The following C3orf80 variants were observed in gnomAD, a reference collection of about 807,000 sequenced individuals.
C3orf80 encodes the protein chromosome 3 open reading frame 80, also known as uncharacterized membrane protein C3orf80.
In C3orf80, 10 loss-of-function variants were observed where a neutral mutation model predicts 15.8. That is an observed-to-expected ratio of 0.63 (90% confidence interval 0.39 to 1.07). C3orf80 has a LOEUF of 1.07. Ranked by LOEUF, C3orf80 falls within the 50% of genes least tolerant of loss-of-function variation. The pLI, the probability that C3orf80 is intolerant of heterozygous loss-of-function variation, is 0.01. For synonymous variants in C3orf80, 183 were observed against 192.0 expected (o/e 0.95, Z 0.39); for missense variants, 364 against 379.3 (o/e 0.96, Z 0.34).
In C3orf80 at chr3:160,227,720, G is replaced by A. The variant is rs1473028215; in HGVS notation, c.*1341G>A. The stretch of plus-strand genomic sequence containing the variant: ...GTATCAGTTTCCTGTTCTGTGACAC[G>A]CCCTTTAAAAGTAAAAGATAATATA... On this transcript the variant is annotated 3_prime_UTR_variant, in exon 1 of 1. Transcript: ENST00000326474. 2.6e-5 allele frequency: 4 copies of A among 152,092 alleles called. No individual in the cohort carries two copies. The highest frequency in any genetic ancestry group is 1.9e-4 in the East Asian group (1 of 5,198). 9.4% of individuals were successfully genotyped at this position (152,092 alleles called of 1,614,324 possible).
At position 160,225,600 on chromosome 3, in the gene C3orf80, T is replaced by C; in HGVS notation, c.-36T>C. ...GCGAGGGCGGACGGACTCCCCAGCC[T>C]CCCGTCCCGGACGTTAGCCGAGGTC... On this transcript the variant is annotated 5_prime_UTR_variant, in exon 1 of 1. Coordinates refer to ENST00000326474, the MANE Select transcript of C3orf80 (RefSeq NM_001168214.2). The surrounding 1 kb of genome is among the most constrained non-coding windows in gnomAD (Gnocchi z 5.6). The C allele has an allele frequency of 7.8e-7, 1 of 1,288,630 alleles. No homozygotes were observed. The highest frequency in any genetic ancestry group is 3.2e-5 in the East Asian group (1 of 31,344). The allele number at this position is 1,288,630 out of a possible 1,614,324, so 79.8% of individuals were successfully genotyped here.
In C3orf80 at chr3:160,225,620, G is replaced by A. The variant is rs1725650285; in HGVS notation, c.-16G>A. On this transcript the variant is annotated 5_prime_UTR_variant, in exon 1 of 1. Transcript: ENST00000326474. The surrounding 1 kb of genome is among the most constrained non-coding windows in gnomAD (Gnocchi z 5.6). ...CAGCCTCCCGTCCCGGACGTTAGCC[G>A]AGGTCTGCGCGGGCCATGTGGGGAC... is the stretch of plus-strand genomic sequence containing the variant. 7.5e-7 allele frequency: 1 copy of A among 1,324,764 alleles called. No homozygotes were observed. Among genetic ancestry groups the A allele is most frequent in the Non-Finnish European group, 9.6e-7 (1 of 1,044,196 alleles). The allele number at this position is 1,324,764 out of a possible 1,614,324, so 82.1% of individuals were successfully genotyped here. A position where few individuals can be genotyped will look rare whatever the true frequency, so the allele number is the denominator to read the frequency against.
In C3orf80 at chr3:160,225,532, G is replaced by A. The variant is rs991640222; in HGVS notation, c.-104G>A. 1 of 1,109,794 alleles carries A rather than the reference G, an allele frequency of 9.0e-7. No individual in the cohort carries two copies. Among genetic ancestry groups the A allele is most frequent in the Non-Finnish European group, 1.1e-6 (1 of 876,006 alleles). 68.7% of individuals were successfully genotyped at this position (1,109,794 alleles called of 1,614,324 possible). On this transcript the variant is annotated 5_prime_UTR_variant, in exon 1 of 1. Coordinates refer to ENST00000326474, the MANE Select transcript of C3orf80 (RefSeq NM_001168214.2). This position sits in a 1 kb window ranked among gnomAD's most constrained non-coding sequence, Gnocchi z 5.6. ...AGGTAGCTGAGGCGCGGGAGGCGGC[G>A]CGCGCGGGACCCGAGCGGAGCGCCG... is the stretch of plus-strand genomic sequence containing the variant.
rs1711500424 is a variant in C3orf80, at chr3:160,226,538, C to G, written c.*159C>G. On this transcript the variant is annotated 3_prime_UTR_variant, in exon 1 of 1. Transcript: ENST00000326474. The surrounding 1 kb of genome is among the most constrained non-coding windows in gnomAD (Gnocchi z 5.2). ...GGGTCACTCGTCTCCCTCGCGTTCT[C>G]CCGGGATCTTATGTTTCTCTGCGTT... is the stretch of plus-strand genomic sequence containing the variant. The G allele has an allele frequency of 1.4e-6, 1 of 717,984 alleles. No homozygotes were observed. Among genetic ancestry groups the G allele is most frequent in the Non-Finnish European group, 2.0e-6 (1 of 489,852 alleles). The allele number at this position is 717,984 out of a possible 1,614,324, so 44.5% of individuals were successfully genotyped here.
Position 160,225,964 on chromosome 3 carries a change from C to T in C3orf80, c.329C>T (p.Pro110Leu). ...RIICPSPRRY[P>L]RGQARPGQRP... is the part of the protein sequence containing the mutation. ...ATCTGCCCCAGTCCACGCAGGTACC[C>T]GCGCGGCCAGGCGCGCCCGGGACAG... The change falls in exon 1 of 1, where the codon CCG becomes CTG. Residue 110 changes from proline to leucine, a missense_variant. Physicochemically the swap from Pro to Leu is moderately conservative, Grantham distance 98. Transcript: ENST00000326474. This position sits in a 1 kb window ranked among gnomAD's most constrained non-coding sequence, Gnocchi z 5.6. The T allele has an allele frequency of 7.2e-7, 1 of 1,389,294 alleles. No individual in the cohort carries two copies. The highest frequency in any genetic ancestry group is 9.4e-7 in the Non-Finnish European group (1 of 1,069,110). 86.1% of individuals were successfully genotyped at this position (1,389,294 alleles called of 1,614,324 possible). A position where few individuals can be genotyped will look rare whatever the true frequency, so the allele number is the denominator to read the frequency against.
In C3orf80 at chr3:160,226,324, G is replaced by C; in HGVS notation, c.689G>C (p.Arg230Pro). 1 of 1,505,278 alleles carries C rather than the reference G, an allele frequency of 6.6e-7. No homozygotes were observed. The highest frequency in any genetic ancestry group is 8.8e-7 in the Non-Finnish European group (1 of 1,132,540). 93.2% of individuals were successfully genotyped at this position (1,505,278 alleles called of 1,614,324 possible). ...VLPVSVLGRP[R>P]GGVAAEPDGG... is the part of the protein sequence containing the mutation. ...CCAGTGTCGGTGCTTGGCCGCCCTC[G>C]AGGCGGGGTCGCCGCGGAGCCCGAC... Residue 230 changes from arginine to proline, a missense_variant, in exon 1 of 1, where the codon CGA (arginine) becomes CCA (proline). Transcript: ENST00000326474. This position sits in a 1 kb window ranked among gnomAD's most constrained non-coding sequence, Gnocchi z 5.2.
At position 160,226,415 on chromosome 3, in the gene C3orf80, G is replaced by T. The variant is rs368539255; in HGVS notation, c.*36G>T. On this transcript the variant is annotated 3_prime_UTR_variant, in exon 1 of 1. Transcript: ENST00000326474. The surrounding 1 kb of genome is among the most constrained non-coding windows in gnomAD (Gnocchi z 5.2). ...ATCGGCGGCTGGTGCAGGGCTGGGG[G>T]CTGCGGGTGGCAAGCAACGGCCGGG... is the stretch of plus-strand genomic sequence containing the variant. 3.1e-4 allele frequency: 432 copies of T among 1,385,180 alleles called. 6 individuals are homozygous for T. The South Asian group carries it at 4.9e-3, about 16-fold the overall frequency. 85.8% of individuals were successfully genotyped at this position (1,385,180 alleles called of 1,614,324 possible).
Position 160,225,811 on chromosome 3 carries a change from CGGCGGTGCGCTGCTGCAAGCT to C in C3orf80, c.178_198del (p.Ala60_Leu66del). Reference sequence around the variant, plus strand: ...CGCTGCTGCGACGCGACCAACGCCACGGCGGTGCGCTGCTGCAAGCTGCCGCTGCACGCCTTCCTGGACAAC... The same window carrying C: ...CGCTGCTGCGACGCGACCAACGCCACGCCGCTGCACGCCTTCCTGGACAAC... On this transcript the variant is annotated inframe_deletion, in exon 1 of 1. Transcript: ENST00000326474. This position sits in a 1 kb window ranked among gnomAD's most constrained non-coding sequence, Gnocchi z 5.6. 2 of 1,476,698 alleles carry C rather than the reference CGGCGGTGCGCTGCTGCAAGCT, an allele frequency of 1.4e-6. No homozygotes were observed. Among genetic ancestry groups the C allele is most frequent in the Non-Finnish European group, 1.8e-6 (2 of 1,118,748 alleles). 91.5% of individuals were successfully genotyped at this position (1,476,698 alleles called of 1,614,324 possible). A position where few individuals can be genotyped will look rare whatever the true frequency, so the allele number is the denominator to read the frequency against.
chr3:160,227,784 A>G lies in C3orf80; in HGVS notation c.*1405A>G, dbSNP rs1371812016. 6.6e-6 allele frequency: 1 copy of G among 152,194 alleles called. No individual in the cohort carries two copies. Among genetic ancestry groups the G allele is most frequent in the Non-Finnish European group, 1.5e-5 (1 of 68,016 alleles). The allele number at this position is 152,194 out of a possible 1,614,324, so 9.4% of individuals were successfully genotyped here. A position where few individuals can be genotyped will look rare whatever the true frequency, so the allele number is the denominator to read the frequency against. ...CATTGTGTGTAATGTACATATGCAT[A>G]TTGTCTATGTACTATATACACATTG... On this transcript the variant is annotated 3_prime_UTR_variant, in exon 1 of 1. Coordinates refer to ENST00000326474, the MANE Select transcript of C3orf80 (RefSeq NM_001168214.2).
rs1232972607 is a variant in C3orf80, at chr3:160,226,023, G to C, written c.388G>C (p.Gly130Arg). ...GCCTCCGGGGGGCGCCGGACCGCTGGGGGGCGCGGGGCCGCCCGACGACGA... is the reference window on the plus strand; with the variant it reads ...GCCTCCGGGGGGCGCCGGACCGCTGCGGGGCGCGGGGCCGCCCGACGACGA... ...PGPPGGAGPL[G>R]GAGPPDDDDD... Residue 130 changes from glycine (G) to arginine (R), a missense_variant, in exon 1 of 1, where the codon GGG (glycine) becomes CGG (arginine). Gly to Arg is a moderately radical substitution (Grantham distance 125). Transcript: ENST00000326474. This position sits in a 1 kb window ranked among gnomAD's most constrained non-coding sequence, Gnocchi z 5.2. 30 of 1,349,016 alleles carry C rather than the reference G, an allele frequency of 2.2e-5. No homozygotes were observed. In the Admixed American group the frequency reaches 7.7e-4, roughly 34 times the overall value. 83.6% of individuals were successfully genotyped at this position (1,349,016 alleles called of 1,614,324 possible). A position where few individuals can be genotyped will look rare whatever the true frequency, so the allele number is the denominator to read the frequency against.
At position 160,226,287 on chromosome 3, in the gene C3orf80, G is replaced by A; in HGVS notation, c.652G>A (p.Glu218Lys). Residue 218 changes from glutamate to lysine, a missense_variant, in exon 1 of 1, where the codon GAG (glutamate) becomes AAG (lysine). Coordinates refer to ENST00000326474, the MANE Select transcript of C3orf80 (RefSeq NM_001168214.2). The surrounding 1 kb of genome is among the most constrained non-coding windows in gnomAD (Gnocchi z 5.2). Reference protein sequence around the residue: ...SMRLQQLSPGEVVLPVSVLGR... With the variant: ...SMRLQQLSPGKVVLPVSVLGR... ...GCGGCTGCAGCAGCTCAGCCCCGGG[G>A]AGGTCGTGCTGCCAGTGTCGGTGCT... 2 of 1,519,732 alleles carry A rather than the reference G, an allele frequency of 1.3e-6. No homozygotes were observed. Among genetic ancestry groups the A allele is most frequent in the Non-Finnish European group, 8.8e-7 (1 of 1,139,210 alleles). The allele number at this position is 1,519,732 out of a possible 1,614,324, so 94.1% of individuals were successfully genotyped here. A position where few individuals can be genotyped will look rare whatever the true frequency, so the allele number is the denominator to read the frequency against.
rs918445692 is a variant in C3orf80, at chr3:160,227,349, A to C, written c.*970A>C. On this transcript the variant is annotated 3_prime_UTR_variant, in exon 1 of 1. Coordinates refer to ENST00000326474, the MANE Select transcript of C3orf80 (RefSeq NM_001168214.2). ...CAAACGAGGAAGCATATGTGACATA[A>C]AAAACATGAAGGATATCTTATTTTC... 1 of 152,226 alleles carries C rather than the reference A, an allele frequency of 6.6e-6. No homozygotes were observed. Among genetic ancestry groups the C allele is most frequent in the Non-Finnish European group, 1.5e-5 (1 of 68,034 alleles). 9.4% of individuals were successfully genotyped at this position (152,226 alleles called of 1,614,324 possible).
Position 160,225,470 on chromosome 3 carries a change from C to G in C3orf80, c.-166C>G, listed in dbSNP as rs1002137719. On this transcript the variant is annotated 5_prime_UTR_variant, in exon 1 of 1. Coordinates refer to ENST00000326474, the MANE Select transcript of C3orf80 (RefSeq NM_001168214.2). This position sits in a 1 kb window ranked among gnomAD's most constrained non-coding sequence, Gnocchi z 5.6. ...TCCGCGCGCCGCGGGCTCCTCCTCCCGCCCAAGCGTGGCCAAGTGAGGACT... is the reference window on the plus strand; with the variant it reads ...TCCGCGCGCCGCGGGCTCCTCCTCCGGCCCAAGCGTGGCCAAGTGAGGACT... 22 of 607,354 alleles carry G rather than the reference C, an allele frequency of 3.6e-5. No individual in the cohort carries two copies. Among genetic ancestry groups the G allele is most frequent in the Non-Finnish European group, 5.0e-5 (21 of 423,118 alleles). 37.6% of individuals were successfully genotyped at this position (607,354 alleles called of 1,614,324 possible).
rs1711504523 is a variant in C3orf80, at chr3:160,227,314, C to T, written c.*935C>T. 1 of 151,916 alleles carries T rather than the reference C, an allele frequency of 6.6e-6. No individual in the cohort carries two copies. Among genetic ancestry groups the T allele is most frequent in the Non-Finnish European group, 1.5e-5 (1 of 67,990 alleles). 9.4% of individuals were successfully genotyped at this position (151,916 alleles called of 1,614,324 possible). Reference sequence around the variant, plus strand: ...AAATTATTTCATTAAAAAAGAAAAACAGGTATGGTCAAACGAGGAAGCATA... The same window carrying T: ...AAATTATTTCATTAAAAAAGAAAAATAGGTATGGTCAAACGAGGAAGCATA... On this transcript the variant is annotated 3_prime_UTR_variant, in exon 1 of 1. Transcript: ENST00000326474.
Position 160,225,845 on chromosome 3 carries a change from C to T in C3orf80, c.210C>T (p.Ala70=). 3 of 1,485,130 alleles carry T rather than the reference C, an allele frequency of 2.0e-6. No homozygotes were observed. Among genetic ancestry groups the T allele is most frequent in the Non-Finnish European group, 8.9e-7 (1 of 1,122,538 alleles). 92.0% of individuals were successfully genotyped at this position (1,485,130 alleles called of 1,614,324 possible). ...AVRCCKLPLH[A]FLDNVGWFVR... is the part of the protein sequence containing the mutation. Reference sequence around the variant, plus strand: ...GCTGCTGCAAGCTGCCGCTGCACGCCTTCCTGGACAACGTGGGCTGGTTCG... The same window carrying T: ...GCTGCTGCAAGCTGCCGCTGCACGCTTTCCTGGACAACGTGGGCTGGTTCG... The change falls in exon 1 of 1, where the codon GCC becomes GCT. Residue 70 remains alanine (A), a synonymous_variant. Transcript: ENST00000326474. This position sits in a 1 kb window ranked among gnomAD's most constrained non-coding sequence, Gnocchi z 5.6.
rs1711499455 is a variant in C3orf80 at position 160,226,332 on chromosome 3, G to T, written c.697G>T (p.Val233Phe). The T allele has an allele frequency of 1.3e-6, 2 of 1,502,330 alleles. No homozygotes were observed. The allele number at this position is 1,502,330 out of a possible 1,614,324, so 93.1% of individuals were successfully genotyped here. Residue 233 changes from valine to phenylalanine, a missense_variant, in exon 1 of 1, where the codon GTC (valine) becomes TTC (phenylalanine). Transcript: ENST00000326474. The surrounding 1 kb of genome is among the most constrained non-coding windows in gnomAD (Gnocchi z 5.2). ...VSVLGRPRGG[V>F]AAEPDGGEGR... ...GGTGCTTGGCCGCCCTCGAGGCGGG[G>T]TCGCCGCGGAGCCCGACGGCGGCGA... is the stretch of plus-strand genomic sequence containing the variant.
rs1341545836 is a variant in C3orf80, at chr3:160,227,782, A to G, written c.*1403A>G. 6.6e-6 allele frequency: 1 copy of G among 152,218 alleles called. No individual in the cohort carries two copies. The highest frequency in any genetic ancestry group is 1.5e-5 in the Non-Finnish European group (1 of 68,032). 9.4% of individuals were successfully genotyped at this position (152,218 alleles called of 1,614,324 possible). ...TACATTGTGTGTAATGTACATATGC[A>G]TATTGTCTATGTACTATATACACAT... On this transcript the variant is annotated 3_prime_UTR_variant, in exon 1 of 1. Coordinates refer to ENST00000326474, the MANE Select transcript of C3orf80 (RefSeq NM_001168214.2).
rs1439596891 is a variant in C3orf80 at position 160,225,742 on chromosome 3, G to A, written c.107G>A (p.Arg36Gln). Residue 36 changes from arginine (R) to glutamine (Q), a missense_variant, in exon 1 of 1, where the codon CGG (arginine) becomes CAG (glutamine). By Grantham distance (43) the Arg-to-Gln change is conservative. Transcript: ENST00000326474. The surrounding 1 kb of genome is among the most constrained non-coding windows in gnomAD (Gnocchi z 5.6). ...GCGCTGGCGCTGGTGGCGCCCTCGC[G>A]GGGCGGCGGGGGCTGCGCTGAGCTG... ...LLALALVAPS[R>Q]GGGGCAELAC... 5 of 1,362,136 alleles carry A rather than the reference G, an allele frequency of 3.7e-6. No individual in the cohort carries two copies. The highest frequency in any genetic ancestry group is 4.7e-6 in the Non-Finnish European group (5 of 1,067,730). 84.4% of individuals were successfully genotyped at this position (1,362,136 alleles called of 1,614,324 possible). A position where few individuals can be genotyped will look rare whatever the true frequency, so the allele number is the denominator to read the frequency against.
chr3:160,225,820 G>C lies in C3orf80; in HGVS notation c.185G>C (p.Arg62Pro), dbSNP rs1422677446. 6.8e-7 allele frequency: 1 copy of C among 1,480,038 alleles called. No individual in the cohort carries two copies. The highest frequency in any genetic ancestry group is 1.5e-5 in the African/African-American group (1 of 68,548). 91.7% of individuals were successfully genotyped at this position (1,480,038 alleles called of 1,614,324 possible). Residue 62 changes from arginine to proline, a missense_variant, in exon 1 of 1, where the codon CGC becomes CCC. Physicochemically the swap from Arg to Pro is moderately radical, Grantham distance 103 (BLOSUM62 -2). Coordinates refer to ENST00000326474, the MANE Select transcript of C3orf80 (RefSeq NM_001168214.2). This position sits in a 1 kb window ranked among gnomAD's most constrained non-coding sequence, Gnocchi z 5.6. ...GACGCGACCAACGCCACGGCGGTGC[G>C]CTGCTGCAAGCTGCCGCTGCACGCC... Reference protein sequence around the residue: ...CCDATNATAVRCCKLPLHAFL... With the variant: ...CCDATNATAVPCCKLPLHAFL...
Sources: allele counts gnomAD v4.1 joint callset, GRCh38; gene constraint gnomAD v4.1.1; non-coding constraint Gnocchi (gnomAD v3.1); transcripts MANE v1.5; gene names NCBI Gene and HGNC (gene_info 2026-07-23, HGNC 2026-07-21).